The following SLC39A9 variants were observed in gnomAD, a reference collection of about 807,000 sequenced individuals.
SLC39A9 encodes the protein solute carrier family 39 member 9.
SLC39A9 carries 14 observed loss-of-function variants against 28.4 expected under a neutral mutation model. That is an observed-to-expected ratio of 0.49 (90% CI 0.33 to 0.77). The LOEUF (loss-of-function observed/expected upper bound fraction) is 0.77, where lower values mean the gene tolerates loss of function less well. Among genes scored for constraint, SLC39A9 ranks in the 30% least tolerant of loss-of-function variants. The pLI is 0.02. For missense variants in SLC39A9, 283 were observed against 381.1 expected (o/e 0.74, Z 2.14); for synonymous variants, 119 against 149.6 (o/e 0.80, Z 1.49).
intron 2 of SLC39A9, among the ~76,000 whole-genome samples, chr14:69,424,915 G>A (rs1372167888): frequency 1.3e-5 from 2 of 152,170 alleles, no homozygotes; most frequent in Non-Finnish European, 2.9e-5. Context: ...GTATAAAGAG[G>A]TAGGCACTTC....
At chr14:69,440,070 A>C (rs1161259111) in intron 2 of SLC39A9, among the ~76,000 whole-genome samples, 2 of 152,116 alleles carry the variant, frequency 1.3e-5, no homozygotes, top group African/African-American at 4.8e-5. Context: ...CACCTTCTTC[A>C]CAAGGCCGCG....
intron 6 of SLC39A9, among the ~76,000 whole-genome samples, chr14:69,457,916 A>T (rs1594955550): frequency 6.6e-6 from 1 of 152,350 alleles, no homozygotes. Context: ...GATACAGTCA[A>T]TGAATGGATG....
intron 2 of SLC39A9, among the ~76,000 whole-genome samples, chr14:69,440,843 T>C (rs1216515387): frequency 6.6e-6 from 1 of 152,132 alleles, no homozygotes; most frequent in Non-Finnish European, 1.5e-5. Flanking sequence ...CCAGCTAGTT[T>C]TTGTATTTTT....
intron 6 of SLC39A9, among the ~76,000 whole-genome samples, chr14:69,456,422 TC>T (rs1177379965): frequency 6.6e-6 from 1 of 152,194 alleles, no homozygotes; most frequent in African/African-American, 2.4e-5. Flanking sequence ...GCAACTAAGA[TC>T]AACAAACCCT....
intron 2 of SLC39A9, 102 bp from the exon 3 acceptor site, chr14:69,441,967 A>G (rs933113284): frequency 6.7e-5 from 99 of 1,474,518 alleles, no homozygotes; most frequent in Non-Finnish European, 8.3e-5. Context: ...ATGTCTTTAC[A>G]GTAAAGTAAG....
chr14:69,403,221 ATT>A (rs1364295566), intron 1 of SLC39A9, among the ~76,000 whole-genome samples: 2 of 152,236 alleles, frequency 1.3e-5, no homozygotes, highest in Non-Finnish European at 2.9e-5. Context: ...TTTCGATTGA[ATT>A]GCTAATGAGT....
In SLC39A9 at chr14:69,461,690, T is replaced by A. The variant is rs1438846450; in HGVS notation, c.*3097T>A. 1.2e-5 allele frequency: 18 copies of A among 1,535,914 alleles called. No homozygotes were observed. The highest frequency in any genetic ancestry group is 1.6e-5 in the Non-Finnish European group (18 of 1,146,876). On this transcript the variant is annotated 3_prime_UTR_variant, in exon 7 of 7. Transcript: ENST00000336643. ...AGTGTCACTGCCTGGTTTTTCTCTT[T>A]TTCAAGGATTAGAACTAAGAGGACA...
chr14:69,421,740 C>G (rs1051484613), intron 1 of SLC39A9, among the ~76,000 whole-genome samples: 3 of 152,184 alleles, frequency 2.0e-5, no homozygotes, highest in African/African-American at 7.2e-5. Flanking sequence ...CAGGCTGCCT[C>G]CTTGAAGTTG....
intron 1 of SLC39A9, among the ~76,000 whole-genome samples, chr14:69,418,724 G>A (rs1488833245): frequency 6.6e-6 from 1 of 152,030 alleles, no homozygotes; most frequent in East Asian, 1.9e-4. Flanking sequence ...TTTCTTTCCT[G>A]GTTTAGTCTT....
intron 1 of SLC39A9, among the ~76,000 whole-genome samples, chr14:69,407,939 T>C (rs1041499848): frequency 6.6e-6 from 1 of 152,038 alleles, no homozygotes; most frequent in Admixed American, 6.5e-5. Flanking sequence ...CCTGCTATTA[T>C]ATTCTTTACG....
At position 69,460,269 on chromosome 14, in the gene SLC39A9, T is replaced by TG. The variant is rs1886057712; in HGVS notation, c.*1678dup. On this transcript the variant is annotated 3_prime_UTR_variant, in exon 7 of 7. Transcript: ENST00000336643. Reference sequence around the variant, plus strand: ...TTTATTTCCTTCATGAATTTGTCACTGGATCAGCAGCTGTGGAAATAAAGC... The same window carrying TG: ...TTTATTTCCTTCATGAATTTGTCACTGGGATCAGCAGCTGTGGAAATAAAGC... 1.0e-6 allele frequency: 1 copy of TG among 985,844 alleles called. No individual in the cohort carries two copies. The highest frequency in any genetic ancestry group is 5.2e-4 in the Middle Eastern group (1 of 1,914). The allele number at this position is 985,844 out of a possible 1,614,324, so 61.1% of individuals were successfully genotyped here.
upstream of SLC39A9, chr14:69,398,474 A>G: frequency 1.7e-6 from 1 of 599,866 alleles, no homozygotes; most frequent in Non-Finnish European, 3.0e-6. Context: ...TCCAAGCTTT[A>G]GGAAGAATTA....
At chr14:69,449,847 G>C (rs1364216302) in intron 3 of SLC39A9, among the ~76,000 whole-genome samples, 1 of 149,846 alleles carries the variant, frequency 6.7e-6, no homozygotes, top group Admixed American at 6.7e-5. Flanking sequence ...ATCCTGCTCT[G>C]TGTGTGTGTG....
At chr14:69,404,292 A>G (rs1882796180) in intron 1 of SLC39A9, among the ~76,000 whole-genome samples, 1 of 152,210 alleles carries the variant, frequency 6.6e-6, no homozygotes, top group Non-Finnish European at 1.5e-5. Flanking sequence ...GATGATTTTA[A>G]AGATGAATAT....
intron 1 of SLC39A9, among the ~76,000 whole-genome samples, chr14:69,402,782 AC>A (rs756859527): frequency 2.6e-5 from 4 of 152,176 alleles, no homozygotes; most frequent in Non-Finnish European, 5.9e-5. Flanking sequence ...AACACTTTTA[AC>A]TTTTAAAGGA....
chr14:69,413,767 G>C (rs77507552), intron 1 of SLC39A9, among the ~76,000 whole-genome samples: 1,803 of 152,068 alleles, frequency 0.012, 72 homozygotes, highest in Admixed American at 0.072. Flanking sequence ...GCTATGCAGT[G>C]AGCATTGTCA....
At chr14:69,418,691 T>C (rs1041593650) in intron 1 of SLC39A9, among the ~76,000 whole-genome samples, 3 of 152,174 alleles carry the variant, frequency 2.0e-5, no homozygotes, top group Admixed American at 1.3e-4. Flanking sequence ...CAGAGCCTGT[T>C]ATTTGTCTAT....
intron 1 of SLC39A9, among the ~76,000 whole-genome samples, chr14:69,406,780 A>G (rs1178371466): frequency 6.6e-6 from 1 of 151,786 alleles, no homozygotes; most frequent in Non-Finnish European, 1.5e-5. Context: ...TTCCTTGAAT[A>G]CTAATATTCA....
intron 2 of SLC39A9, among the ~76,000 whole-genome samples, chr14:69,440,390 C>G (rs1884984467): frequency 6.6e-6 from 1 of 151,980 alleles, no homozygotes; most frequent in Admixed American, 6.6e-5. Context: ...TTGAGACCAG[C>G]CTGGGCAACA....
Sources: allele counts gnomAD v4.1 joint callset (sites outside exome capture counted in the v4.1 genomes callset), GRCh38; gene constraint gnomAD v4.1.1; transcripts MANE v1.5; gene names NCBI Gene and HGNC (gene_info 2026-07-23, HGNC 2026-07-21).